Variants in PCDHA2 observed in about 807,000 individuals in gnomAD.
PCDHA2 encodes the protein protocadherin alpha-2.
A neutral mutation model predicts 66.0 loss-of-function variants in PCDHA2; 58 were observed. The ratio of observed to expected loss-of-function variants is 0.88; its 90% CI spans 0.71 to 1.09. The LOEUF (loss-of-function observed/expected upper bound fraction) is 1.09, where lower values mean the gene tolerates loss of function less well. PCDHA2 is among the 50% of genes least tolerant of loss of function. PCDHA2 has a pLI of 0.00. For synonymous variants in PCDHA2, 634 were observed against 554.0 expected (o/e 1.14, Z -2.03); for missense variants, 1,267 against 1,242.3 (o/e 1.02, Z -0.30).
Position 140,796,148 on chromosome 5 carries a change from TC to T in PCDHA2, c.1185del (p.Phe395LeufsTer31). On this transcript the variant is annotated frameshift_variant, in exon 1 of 4. Coordinates refer to ENST00000526136, the MANE Select transcript of PCDHA2 (RefSeq NM_018905.3). LOFTEE classifies it high-confidence loss of function. ...VTCSLTPHVP[F>X]KLVSTFKNYY... ...TGCTCCCTGACGCCCCACGTCCCTT[TC>T]AAGCTGGTGTCCACCTTCAAGAATT... The T allele has an allele frequency of 6.2e-7, 1 of 1,614,220 alleles. No individual in the cohort carries two copies. Among genetic ancestry groups the T allele is most frequent in the Non-Finnish European group, 8.5e-7 (1 of 1,180,034 alleles).
intron 1 of PCDHA2, among the ~76,000 whole-genome samples, chr5:140,941,202 C>CCTTCCTTTCTTTCTTT (rs1554213920): frequency 7.0e-4 from 86 of 122,822 alleles, no homozygotes; most frequent in Admixed American, 2.1e-3. Context: ...TTTCTTTCTT[C>CCTTCCTTTCTTTCTTT]CTTTCTTTCT....
intron 1 of PCDHA2, among the ~76,000 whole-genome samples, chr5:140,937,724 AAC>A (rs2091708035): frequency 6.6e-6 from 1 of 152,064 alleles, no homozygotes; most frequent in Non-Finnish European, 1.5e-5. Flanking sequence ...CATCCTGGCT[AAC>A]ACGGTGAAAC....
intron 1 of PCDHA2, chr5:140,843,444 C>T: frequency 1.3e-6 from 2 of 1,596,146 alleles, no homozygotes; most frequent in Non-Finnish European, 1.7e-6. Flanking sequence ...TGCGCGGTAT[C>T]CAGCCTGCTG....
chr5:140,993,266 T>G (rs1049781348), intron 3 of PCDHA2, among the ~76,000 whole-genome samples: 1 of 152,182 alleles, frequency 6.6e-6, no homozygotes, highest in Non-Finnish European at 1.5e-5. Flanking sequence ...AATTAGCTTC[T>G]TTGGTCTTTT....
At chr5:140,942,541 G>C (rs1241528363) in intron 1 of PCDHA2, among the ~76,000 whole-genome samples, 1 of 152,056 alleles carries the variant, frequency 6.6e-6, no homozygotes, top group African/African-American at 2.4e-5. Context: ...CAGTATGGTG[G>C]GGGGTAGGGG....
chr5:140,987,336 A>G (rs2097249605), intron 3 of PCDHA2, among the ~76,000 whole-genome samples: 1 of 152,200 alleles, frequency 6.6e-6, no homozygotes, highest in Admixed American at 6.5e-5. Context: ...GAACTGGTCT[A>G]AGGTAAATAT....
chr5:140,877,112 G>T (rs782384853), intron 1 of PCDHA2: 18 of 1,613,552 alleles, frequency 1.1e-5, no homozygotes, highest in African/African-American at 4.0e-5. Context: ...CCTCTGGGCA[G>T]CAACGTGACG....
At chr5:140,843,392 G>A in intron 1 of PCDHA2, 1 of 1,596,106 alleles carries the variant, frequency 6.3e-7, no homozygotes, top group Non-Finnish European at 8.6e-7. Flanking sequence ...GGGTCCGGAA[G>A]CGGCGCTGGT....
At chr5:140,871,141 C>A (rs1431247385) in intron 1 of PCDHA2, 2 of 1,613,438 alleles carry the variant, frequency 1.2e-6, no homozygotes, top group Non-Finnish European at 1.7e-6. Context: ...GGCCTCTTCC[C>A]GGACTTTGGC....
At chr5:140,944,629 A>G (rs1371756120) in intron 1 of PCDHA2, among the ~76,000 whole-genome samples, 3 of 152,172 alleles carry the variant, frequency 2.0e-5, no homozygotes, top group African/African-American at 7.2e-5. Context: ...ATAGTGTTGT[A>G]AGCCAGTGTG....
chr5:140,843,712 C>T, intron 1 of PCDHA2: 1 of 1,569,886 alleles, frequency 6.4e-7, no homozygotes, highest in Non-Finnish European at 8.7e-7. Context: ...ATCATGGCCT[C>T]AAAGTAAGTC....
At chr5:140,909,850 C>T (rs181576128) in intron 1 of PCDHA2, among the ~76,000 whole-genome samples, 30 of 152,294 alleles carry the variant, frequency 2.0e-4, no homozygotes, top group Admixed American at 5.9e-4. Flanking sequence ...AGGACGTTTT[C>T]GGTCCCCTGG....
chr5:140,804,964 C>T, intron 1 of PCDHA2: 1 of 1,445,410 alleles, frequency 6.9e-7, no homozygotes, highest in Non-Finnish European at 9.2e-7. Flanking sequence ...AAGTAGTAGC[C>T]ATAGTGTGTC....
intron 1 of PCDHA2, among the ~76,000 whole-genome samples, chr5:140,833,768 C>CT (rs1772646157): frequency 7.0e-6 from 1 of 142,080 alleles, no homozygotes; most frequent in Non-Finnish European, 1.6e-5. Flanking sequence ...ACACACACAC[C>CT]GCTTTCTAAG....
chr5:140,892,237 A>G (rs1288947116), intron 1 of PCDHA2, among the ~76,000 whole-genome samples: 13 of 152,180 alleles, frequency 8.5e-5, no homozygotes, highest in Non-Finnish European at 7.4e-5. Context: ...TTGTCTCCAC[A>G]TAAACCTGGT....
chr5:140,886,004 A>G lies in PCDHA2; in HGVS notation c.2388+88652A>G, dbSNP rs544401095. On this transcript the variant is annotated intron_variant, in intron 1 of 3. Transcript: ENST00000526136. Reference sequence around the variant, plus strand: ...TCGCATGTGGTTGAAAGAAATAGTAAAGGGAGATGCTATGTATTCTTCACT... The same window carrying G: ...TCGCATGTGGTTGAAAGAAATAGTAGAGGGAGATGCTATGTATTCTTCACT... Among the ~76,000 whole-genome samples, 7 of 152,268 alleles carry G rather than the reference A, an allele frequency of 4.6e-5. No homozygotes were observed. In the East Asian group the frequency reaches 1.3e-3, roughly 29 times the overall value.
chr5:140,970,927 G>A (rs1481513155), intron 1 of PCDHA2, among the ~76,000 whole-genome samples: 2 of 152,150 alleles, frequency 1.3e-5, no homozygotes, highest in African/African-American at 4.8e-5. Flanking sequence ...GAAGTGCCTG[G>A]TGTTAGTCAA....
chr5:140,817,284 G>C (rs1412260220), intron 1 of PCDHA2: 2 of 152,406 alleles, frequency 1.3e-5, no homozygotes, highest in Non-Finnish European at 2.9e-5. Flanking sequence ...TGTGCTGCTG[G>C]ATGGGACTAT....
chr5:140,869,219 C>A (rs543814850), intron 1 of PCDHA2: 1 of 1,613,836 alleles, frequency 6.2e-7, no homozygotes, highest in African/African-American at 1.3e-5. Context: ...TCGGAGGAGG[C>A]CAAACACGGC....
Sources: gnomAD v4.1 joint callset for allele counts (sites outside exome capture counted in the v4.1 genomes callset) on GRCh38, gnomAD v4.1.1 for gene constraint, MANE v1.5 for transcripts, NCBI Gene and HGNC (gene_info 2026-07-23, HGNC 2026-07-21) for gene names.